The following ZNF565 variants were observed in gnomAD, a reference collection of about 807,000 sequenced individuals.
ZNF565 encodes zinc finger protein 565.
ZNF565 carries 27 observed loss-of-function variants against 39.4 expected under a neutral mutation model. The ratio of observed to expected loss-of-function variants is 0.69; its 90% CI spans 0.51 to 0.95. The LOEUF (loss-of-function observed/expected upper bound fraction) is 0.95, where lower values mean the gene tolerates loss of function less well. Among genes scored for constraint, ZNF565 ranks in the 40% least tolerant of loss-of-function variants. The probability of loss-of-function intolerance (pLI) is 0.00; values close to 1 mark genes in which losing one functional copy is unlikely to be tolerated. For missense variants in ZNF565, 524 were observed against 621.1 expected (o/e 0.84, Z 1.66); for synonymous variants, 185 against 216.6 (o/e 0.85, Z 1.28).
Position 36,202,023 on chromosome 19 carries a change from G to C in ZNF565, c.-38C>G. Reference sequence around the variant, plus strand: ...TATTTGACCTGCTCTGATTTCTCTGGATTCTTCTCTTGGACAAGTGCAGAG... The same window carrying C: ...TATTTGACCTGCTCTGATTTCTCTGCATTCTTCTCTTGGACAAGTGCAGAG... On this transcript the variant is annotated 5_prime_UTR_variant, in exon 2 of 5. In the 5' UTR this introduces an upstream ATG that the reference lacks. Coordinates refer to ENST00000304116, the MANE Select transcript of ZNF565 (RefSeq NM_152477.5). 1.2e-6 allele frequency: 2 copies of C among 1,613,822 alleles called. No individual in the cohort carries two copies. The highest frequency in any genetic ancestry group is 1.7e-6 in the Non-Finnish European group (2 of 1,179,794).
intron 1 of ZNF565, among the ~76,000 whole-genome samples, chr19:36,225,523 T>A: frequency 6.6e-6 from 1 of 152,082 alleles, no homozygotes; most frequent in East Asian, 1.9e-4. Flanking sequence ...TTTTTCTGGC[T>A]CACTGCAACC....
At chr19:36,203,723 A>C (rs1976050888) in intron 1 of ZNF565, among the ~76,000 whole-genome samples, 3 of 152,100 alleles carry the variant, frequency 2.0e-5, no homozygotes, top group South Asian at 4.2e-4. Flanking sequence ...GTACAGGCGC[A>C]CACCACTACG....
chr19:36,237,391 AT>A (rs1977683384), intron 1 of ZNF565: 8 of 1,500,496 alleles, frequency 5.3e-6, no homozygotes, highest in Non-Finnish European at 6.2e-6. Flanking sequence ...CCCAGAAATA[AT>A]CCTTCTGAAG....
intron 1 of ZNF565, among the ~76,000 whole-genome samples, chr19:36,222,631 T>A (rs947124454): frequency 6.4e-5 from 9 of 140,352 alleles, no homozygotes; most frequent in African/African-American, 2.9e-4. Context: ...TGAATGAGAA[T>A]TTTTTTTTAT....
chr19:36,240,627 G>C lies in ZNF565; in HGVS notation c.55+4849C>G, dbSNP rs1275609315. 3.3e-5 allele frequency among the ~76,000 whole-genome samples: 5 copies of C among 152,322 alleles called. No individual in the cohort carries two copies. In the East Asian group the frequency reaches 9.6e-4, roughly 29 times the overall value. On this transcript the variant is annotated intron_variant, in intron 1 of 4. Coordinates refer to the ZNF565 transcript ENST00000355114. ...CTCACACCTGTAATCTCAGCACTCTGGGAGGCCGAGGCGGGTGGATCACCT... is the reference window on the plus strand; with the variant it reads ...CTCACACCTGTAATCTCAGCACTCTCGGAGGCCGAGGCGGGTGGATCACCT...
In ZNF565 at chr19:36,230,022, C is replaced by T. The variant is rs145744481; in HGVS notation, c.55+15454G>A. On this transcript the variant is annotated intron_variant, in intron 1 of 4. Coordinates refer to the ZNF565 transcript ENST00000355114. ...GGTTTGAGCCACCGCGCCTGGCTAA[C>T]GCATAATTTAACCTGTCTCCTACTA... Among the ~76,000 whole-genome samples the T allele has an allele frequency of 1.4e-3, 220 of 152,274 alleles. 1 individual carries two copies. The highest frequency in any genetic ancestry group is 4.6e-3 in the African/African-American group (192 of 41,560).
intron 2 of ZNF565, among the ~76,000 whole-genome samples, chr19:36,197,606 A>G (rs1196003806): frequency 6.6e-6 from 1 of 152,164 alleles, no homozygotes; most frequent in Non-Finnish European, 1.5e-5. Flanking sequence ...CTTGTAAGAT[A>G]CGTCGATTCC....
intron 1 of ZNF565, among the ~76,000 whole-genome samples, chr19:36,202,394 C>A (rs925497594): frequency 1.2e-4 from 2 of 17,326 alleles, no homozygotes; most frequent in South Asian, 6.3e-3. Flanking sequence ...AACAAAACAA[C>A]AACAACAACA....
At chr19:36,229,459 C>T (rs73931518) in intron 1 of ZNF565, among the ~76,000 whole-genome samples, 3,603 of 152,276 alleles carry the variant, frequency 0.024, 166 homozygotes, top group African/African-American at 0.083. Context: ...GTCCTCCTGC[C>T]TCAGACTCCC....
At chr19:36,211,488 A>ACACACACACACACACAC (rs1568423884) in intron 1 of ZNF565, among the ~76,000 whole-genome samples, 1 of 111,754 alleles carries the variant, frequency 8.9e-6, no homozygotes, top group African/African-American at 3.3e-5. Flanking sequence ...CACACACACA[A>ACACACACACACACACAC]TTCTAATTAA....
chr19:36,182,962 T>C lies in ZNF565; in HGVS notation c.1004A>G (p.Tyr335Cys). 1 of 1,614,076 alleles carries C rather than the reference T, an allele frequency of 6.2e-7. No homozygotes were observed. The highest frequency in any genetic ancestry group is 1.7e-5 in the Admixed American group (1 of 59,992). ...HQRIHTGEKP[Y>C]ECKECGKGFI... ...GCCCTTTCCGCATTCCTTACACTCG[T>C]AGGGTTTCTCACCAGTGTGGATTCG... The change falls in exon 5 of 5, where the codon TAC (tyrosine) becomes TGC (cysteine). Residue 335 changes from tyrosine (Y) to cysteine (C), a missense_variant. Transcript: ENST00000304116.
upstream of ZNF565, among the ~76,000 whole-genome samples, chr19:36,215,815 T>C (rs549991310): frequency 2.0e-5 from 3 of 152,296 alleles, no homozygotes; most frequent in South Asian, 2.1e-4. Flanking sequence ...AGCAATCCCA[T>C]ATAACGGCGC....
intron 1 of ZNF565, among the ~76,000 whole-genome samples, chr19:36,208,272 C>T (rs1404521263): frequency 6.7e-6 from 1 of 149,660 alleles, no homozygotes; most frequent in African/African-American, 2.5e-5. Flanking sequence ...AGGGCAGTGG[C>T]GCAATCACAG....
intron 4 of ZNF565, among the ~76,000 whole-genome samples, chr19:36,191,972 A>G (rs777104390): frequency 2.0e-5 from 3 of 151,790 alleles, no homozygotes; most frequent in Non-Finnish European, 2.9e-5. Context: ...GACAGGCCCT[A>G]TCTTACCAAG....
intron 1 of ZNF565, among the ~76,000 whole-genome samples, chr19:36,231,277 G>C (rs1028269778): frequency 6.6e-6 from 1 of 151,748 alleles, no homozygotes; most frequent in African/African-American, 2.4e-5. Context: ...TGGTGCCATC[G>C]TGGCTCACCG....
rs1216981842 is a variant in ZNF565, at chr19:36,195,072, T to G, written c.94A>C (p.Arg32=). ...CCAAAGTTCTCCAGAGTCACCTCCC[T>G]GTACAAGTCCCTCTGAGCAGGTTCC... The part of the protein sequence containing the change: ...CLEPAQRDLY[R]EVTLENFGHL... Residue 32 remains arginine (R), a synonymous_variant, in exon 3 of 5, where the codon AGG becomes CGG. Transcript: ENST00000304116. The G allele has an allele frequency of 4.3e-6, 7 of 1,614,054 alleles. No individual in the cohort carries two copies. The highest frequency in any genetic ancestry group is 4.5e-5 in the East Asian group (2 of 44,902).
intron 1 of ZNF565, chr19:36,236,137 A>G (rs1205999558): frequency 3.4e-6 from 1 of 295,102 alleles, no homozygotes; most frequent in Non-Finnish European, 6.3e-6. Context: ...AGTATTGACA[A>G]GCCCTTAGCT....
chr19:36,214,170 C>T (rs1452979408), intron 1 of ZNF565, among the ~76,000 whole-genome samples: 2 of 151,878 alleles, frequency 1.3e-5, no homozygotes, highest in East Asian at 3.9e-4. Flanking sequence ...ACACACACAC[C>T]AAGGGATACA....
intron 1 of ZNF565, among the ~76,000 whole-genome samples, chr19:36,225,090 T>G (rs1355952117): frequency 6.6e-6 from 1 of 152,190 alleles, no homozygotes; most frequent in Non-Finnish European, 1.5e-5. Context: ...CATGATTTGC[T>G]TTTCAGTGTT....
Sources: gnomAD v4.1 joint callset for allele counts (sites outside exome capture counted in the v4.1 genomes callset) on GRCh38, gnomAD v4.1.1 for gene constraint, MANE v1.5 for transcripts, NCBI Gene and HGNC (gene_info 2026-07-23, HGNC 2026-07-21) for gene names.